The following IFT74 variants were observed in gnomAD, a reference collection of about 807,000 sequenced individuals.
IFT74 encodes the protein intraflagellar transport protein 74 homolog.
IFT74 carries 92 observed loss-of-function variants against 96.7 expected under a neutral mutation model. That is an observed-to-expected ratio of 0.95 (90% CI 0.80 to 1.13). The LOEUF is 1.13. IFT74 is among the 50% of genes most tolerant of loss of function. The pLI is 0.00. For missense variants in IFT74, 811 were observed against 698.2 expected (o/e 1.16, Z -1.82); for synonymous variants, 223 against 213.2 (o/e 1.05, Z -0.40).
chr9:27,048,048 A>T (rs1454679696), intron 15 of IFT74, 100 bp from the exon 16 acceptor site: 2 of 731,116 alleles, frequency 2.7e-6, no homozygotes, highest in Admixed American at 6.9e-5. Context: ...AAAATACCTG[A>T]TCCAAACATC....
intron 18 of IFT74, among the ~76,000 whole-genome samples, chr9:27,059,182 G>C (rs1025081819): frequency 6.6e-6 from 1 of 152,070 alleles, no homozygotes; most frequent in Non-Finnish European, 1.5e-5. Flanking sequence ...CCACAATTTC[G>C]AATCCTTCTC....
chr9:26,981,999 C>A (rs923704614), intron 4 of IFT74, among the ~76,000 whole-genome samples: 17 of 151,860 alleles, frequency 1.1e-4, no homozygotes, highest in African/African-American at 3.9e-4. Flanking sequence ...AAACTCCTGA[C>A]CTCAGGTGAT....
chr9:26,995,882 G>A, intron 8 of IFT74: 1 of 1,495,664 alleles, frequency 6.7e-7, no homozygotes, highest in African/African-American at 1.4e-5. Flanking sequence ...GAGAGAGAAA[G>A]AAAATTTGTT....
chr9:26,995,756 C>A (rs200569334), intron 8 of IFT74: 341 of 1,613,618 alleles, frequency 2.1e-4, no homozygotes, highest in Non-Finnish European at 4.1e-5. Context: ...CCATATTGGG[C>A]ATTTGATAGC....
intron 8 of IFT74, chr9:26,996,517 A>G: frequency 1.4e-6 from 2 of 1,404,586 alleles, no homozygotes; most frequent in South Asian, 1.9e-5. Context: ...ATCAGAAAGA[A>G]TAAGATTTAG....
upstream of IFT74, among the ~76,000 whole-genome samples, chr9:26,952,833 A>G (rs967248664): frequency 6.6e-6 from 1 of 152,306 alleles, no homozygotes; most frequent in Admixed American, 6.5e-5. Context: ...CTACCCTGTC[A>G]TGTTCACTAT....
intron 1 of IFT74, among the ~76,000 whole-genome samples, chr9:26,959,413 A>G (rs1244167214): frequency 6.6e-6 from 1 of 152,184 alleles, no homozygotes; most frequent in African/African-American, 2.4e-5. Context: ...CCGGCTGGAT[A>G]TAAGCTATTC....
intron 17 of IFT74, 63 bp from the exon 18 acceptor site, chr9:27,056,271 A>G: frequency 2.4e-6 from 3 of 1,238,592 alleles, no homozygotes; most frequent in South Asian, 1.4e-5. Flanking sequence ...TAAGTTAAAT[A>G]TGATTTATAT....
chr9:26,952,050 T>C (rs1462870990), upstream of IFT74, among the ~76,000 whole-genome samples: 1 of 152,222 alleles, frequency 6.6e-6, no homozygotes, highest in Non-Finnish European at 1.5e-5. Context: ...AAGCTTTTGG[T>C]GCCCAAAGAG....
chr9:27,018,260 A>G (rs903348441), intron 11 of IFT74, among the ~76,000 whole-genome samples: 24 of 152,318 alleles, frequency 1.6e-4, no homozygotes, highest in African/African-American at 5.5e-4. Flanking sequence ...TCTCAAAGGT[A>G]TTCACTATTT....
rs57916629 is a variant in IFT74 at position 26,981,768 on chromosome 9, AT to A, written c.305+1166del. Among the ~76,000 whole-genome samples, 1,215 of 128,640 alleles carry A rather than the reference AT, an allele frequency of 9.4e-3. 9 individuals carry two copies. The highest frequency in any genetic ancestry group is 0.032 in the East Asian group (134 of 4,244). The allele number at this position is 128,640 out of a possible 152,430, so 84.4% of individuals were successfully genotyped here. ...CTTTTTTCATCTAATGATAAGAATA[AT>A]TTTTTTTTTTTTTTTTGAGATAGAG... On this transcript the variant is annotated intron_variant, in intron 4 of 19. Transcript: ENST00000380062.
upstream of IFT74, chr9:26,956,289 C>A (rs955851199): frequency 2.0e-5 from 3 of 152,252 alleles, no homozygotes; most frequent in African/African-American, 7.2e-5. Flanking sequence ...AAGAAACAAA[C>A]ATATCCTCAA....
chr9:27,052,948 C>T (rs564481602), intron 16 of IFT74, among the ~76,000 whole-genome samples: 2 of 152,006 alleles, frequency 1.3e-5, no homozygotes, highest in African/African-American at 2.4e-5. Flanking sequence ...CTGCAGGCTC[C>T]GCCCCCAGGG....
chr9:27,036,751 T>C, intron 13 of IFT74: 1 of 1,199,302 alleles, frequency 8.3e-7, no homozygotes, highest in East Asian at 3.6e-5. Context: ...AGAGAGAGCG[T>C]AAAGTGCTGT....
At chr9:27,054,527 C>G (rs1325435715) in intron 16 of IFT74, among the ~76,000 whole-genome samples, 1 of 152,152 alleles carries the variant, frequency 6.6e-6, no homozygotes. Context: ...GCACCTGGCA[C>G]ATAGTAGATG....
intron 12 of IFT74, among the ~76,000 whole-genome samples, chr9:27,026,082 T>C (rs1371826738): frequency 6.6e-6 from 1 of 152,188 alleles, no homozygotes; most frequent in Non-Finnish European, 1.5e-5. Context: ...ATCTCCCATC[T>C]TCAAGTGACT....
At chr9:26,969,681 T>C (rs1826800027) in intron 2 of IFT74, among the ~76,000 whole-genome samples, 1 of 152,144 alleles carries the variant, frequency 6.6e-6, no homozygotes, top group Admixed American at 6.5e-5. Flanking sequence ...CTTTATGTTT[T>C]GATGAAATTC....
At chr9:26,964,850 A>C (rs1380862278) in intron 2 of IFT74, among the ~76,000 whole-genome samples, 1 of 152,176 alleles carries the variant, frequency 6.6e-6, no homozygotes, top group Non-Finnish European at 1.5e-5. Context: ...CTGGAGGTAA[A>C]CTCTAGTAAA....
At chr9:27,060,678 G>A (rs774462898) in intron 19 of IFT74, 27 bp downstream of exon 19, 1 of 1,560,862 alleles carries the variant, frequency 6.4e-7, no homozygotes, top group South Asian at 1.2e-5. Flanking sequence ...TGAAAATGGG[G>A]CCGGGTGCGG....
Sources: gnomAD v4.1 joint callset for allele counts (sites outside exome capture counted in the v4.1 genomes callset) on GRCh38, gnomAD v4.1.1 for gene constraint, MANE v1.5 for transcripts, NCBI Gene and HGNC (gene_info 2026-07-23, HGNC 2026-07-21) for gene names.